Variants in DMD observed in about 807,000 individuals in gnomAD.
DMD encodes mutant dystrophin.
In DMD, 63 loss-of-function variants were observed where a neutral mutation model predicts 330.1. That is an observed-to-expected ratio of 0.19 (90% confidence interval 0.16 to 0.24). The LOEUF (loss-of-function observed/expected upper bound fraction) is 0.24, where lower values mean the gene tolerates loss of function less well. DMD is among the 10% of genes least tolerant of loss of function. The pLI, the probability that DMD is intolerant of heterozygous loss-of-function variation, is 1.00. For synonymous variants in DMD, 1,223 were observed against 959.8 expected, an observed-to-expected ratio of 1.27 and a Z score of -5.07; for missense variants, 3,344 against 2,684.1, an observed-to-expected ratio of 1.25 and a Z score of -5.43.
intron 43 of DMD, among the ~76,000 whole-genome samples, chrX:32,252,899 A>T (rs1227814422): frequency 1.2e-5 from 1 of 82,042 alleles, no homozygotes; most frequent in African/African-American, 4.9e-5. Flanking sequence ...AATATATATA[A>T]ATATATACAT....
intron 60 of DMD, among the ~76,000 whole-genome samples, chrX:31,351,242 T>A (rs766085111): frequency 2.7e-4 from 30 of 111,345 alleles, no homozygotes; most frequent in African/African-American, 9.8e-4. Flanking sequence ...CCTTGACTAA[T>A]CAATGTCCCT....
chrX:32,091,086 C>T (rs1013275389), intron 44 of DMD, among the ~76,000 whole-genome samples: 2 of 111,972 alleles, frequency 1.8e-5, no homozygotes, highest in Non-Finnish European at 3.8e-5. Context: ...ACACTTGCGG[C>T]GTAGCAGCAG....
intron 2 of DMD, among the ~76,000 whole-genome samples, chrX:32,867,466 G>T (rs768833525): frequency 1.7e-4 from 19 of 111,880 alleles, no homozygotes; most frequent in South Asian, 7.4e-4. Context: ...ATTTAAAATT[G>T]CCCTATGAGA....
chrX:31,298,390 A>AACACAC (rs760738765), intron 62 of DMD, among the ~76,000 whole-genome samples: 3 of 81,408 alleles, frequency 3.7e-5, no homozygotes, highest in African/African-American at 6.3e-5. Flanking sequence ...TTAGAATTCA[A>AACACAC]ACACACACAC....
rs757027812 is a variant in DMD, at chrX:32,464,589, G to A, written c.3273C>T (p.Cys1091=). The A allele has an allele frequency of 5.1e-6, 6 of 1,183,545 alleles. No homozygotes were observed. The East Asian group carries it at 8.9e-5, about 18-fold the overall frequency. ...AGGCATCATATAAAAATCTTACTCT[G>A]CACTGTTTCAGCTGCTTTTTTAGAA... ...SEILKKQLKQ[C]RLLVSDIQTI... Residue 1091 remains cysteine, a synonymous_variant, in exon 24 of 79, where the codon TGC becomes TGT. Coordinates refer to ENST00000357033, the MANE Select transcript of DMD (RefSeq NM_004006.3).
intron 48 of DMD, among the ~76,000 whole-genome samples, chrX:31,841,354 C>T (rs1281787082): frequency 8.9e-6 from 1 of 111,737 alleles, no homozygotes; most frequent in East Asian, 2.8e-4. Flanking sequence ...ACGAAGCCCT[C>T]TCCGTAACAT....
At chrX:31,245,724 T>A (rs2048766188) in intron 63 of DMD, among the ~76,000 whole-genome samples, 1 of 111,468 alleles carries the variant, frequency 9.0e-6, no homozygotes, top group African/African-American at 3.3e-5. Context: ...CTACTGAAAT[T>A]GTTTTGGGGT....
At chrX:32,971,490 G>C (rs1290913810) in intron 2 of DMD, among the ~76,000 whole-genome samples, 1 of 110,946 alleles carries the variant, frequency 9.0e-6, no homozygotes, top group Admixed American at 9.7e-5. Context: ...TAACTTTATA[G>C]TTTATTGCTG....
chrX:31,481,612 T>C (rs1232867652), intron 57 of DMD, among the ~76,000 whole-genome samples: 1 of 111,807 alleles, frequency 8.9e-6, no homozygotes, highest in African/African-American at 3.3e-5. Context: ...AAATAAACTT[T>C]CCTGGATGTC....
chrX:32,500,716 A>G (rs1384737442), intron 19 of DMD, among the ~76,000 whole-genome samples: 2 of 111,648 alleles, frequency 1.8e-5, no homozygotes, highest in East Asian at 2.8e-4. Context: ...CTGTTCTTAA[A>G]CTTGTTCACT....
At chrX:33,125,806 T>C (rs1046555678) in intron 1 of DMD, among the ~76,000 whole-genome samples, 1 of 111,850 alleles carries the variant, frequency 8.9e-6, no homozygotes, top group Non-Finnish European at 1.9e-5. Flanking sequence ...ATGTATAGTA[T>C]AGATTCAAGT....
chrX:31,805,143 C>T (rs1409995441), intron 50 of DMD, among the ~76,000 whole-genome samples: 1 of 111,647 alleles, frequency 9.0e-6, no homozygotes, highest in Non-Finnish European at 1.9e-5. Context: ...AGGAACTGCA[C>T]CAGTTAAGTC....
chrX:31,424,394 G>A (rs1230282318), intron 60 of DMD, among the ~76,000 whole-genome samples: 1 of 111,629 alleles, frequency 9.0e-6, no homozygotes, highest in Admixed American at 9.6e-5. Context: ...ACAAGGTTGA[G>A]GGGAGACTGG....
At chrX:33,211,597 C>A (rs1432303454), upstream of DMD, 45 of 976,002 alleles carry the variant, frequency 4.6e-5, no homozygotes, top group Non-Finnish European at 5.7e-5. Flanking sequence ...CCAGGACCTG[C>A]GCACAAGCAA....
intron 60 of DMD, among the ~76,000 whole-genome samples, chrX:31,433,238 T>C (rs895154555): frequency 1.2e-4 from 13 of 112,031 alleles, no homozygotes; most frequent in Non-Finnish European, 2.3e-4. Context: ...TCCTTCTTTT[T>C]CATAGCTGTG....
chrX:31,563,573 T>C (rs958717702), intron 55 of DMD, among the ~76,000 whole-genome samples: 2 of 112,320 alleles, frequency 1.8e-5, no homozygotes, highest in South Asian at 7.3e-4. Flanking sequence ...TTATTTCATA[T>C]GAACTTTAAA....
intron 9 of DMD, among the ~76,000 whole-genome samples, chrX:32,683,536 C>G (rs906562303): frequency 1.2e-4 from 13 of 104,879 alleles, no homozygotes; most frequent in Non-Finnish European, 3.9e-5. Flanking sequence ...AGCAAACTAT[C>G]GCAAGGACAA....
At chrX:31,502,495 C>T (rs890773836) in intron 56 of DMD, among the ~76,000 whole-genome samples, 6 of 111,216 alleles carry the variant, frequency 5.4e-5, no homozygotes, top group Admixed American at 2.9e-4. Flanking sequence ...ACTATTCTAA[C>T]CTCTAATAGC....
intron 9 of DMD, among the ~76,000 whole-genome samples, chrX:32,695,303 A>G (rs2063567164): frequency 8.9e-6 from 1 of 112,170 alleles, no homozygotes; most frequent in Admixed American, 9.5e-5. Context: ...TGGCCAATTT[A>G]AAACAGAGAC....
Sources: gnomAD v4.1 joint callset for allele counts (sites outside exome capture counted in the v4.1 genomes callset) on GRCh38, gnomAD v4.1.1 for gene constraint, MANE v1.5 for transcripts, NCBI Gene and HGNC (gene_info 2026-07-23, HGNC 2026-07-21) for gene names.